The following DPYD variants were observed in gnomAD, a reference collection of about 807,000 sequenced individuals.
DPYD encodes the protein dihydropyrimidine dehydrogenase [NADP(+)].
In DPYD, 109 loss-of-function variants were observed where a neutral mutation model predicts 116.2. The ratio of observed to expected loss-of-function variants is 0.94; its 90% CI spans 0.80 to 1.10. The LOEUF (loss-of-function observed/expected upper bound fraction) is 1.10, where lower values mean the gene tolerates loss of function less well. Ranked by LOEUF, DPYD falls within the 50% of genes least tolerant of loss-of-function variation. The pLI is 0.00. For missense variants in DPYD, 1,302 were observed against 1,254.5 expected, an observed-to-expected ratio of 1.04 and a Z score of -0.57; for synonymous variants, 440 against 432.0, an observed-to-expected ratio of 1.02 and a Z score of -0.23.
At chr1:97,807,891 C>T (rs942853263) in intron 3 of DPYD, among the ~76,000 whole-genome samples, 6 of 151,872 alleles carry the variant, frequency 4.0e-5, no homozygotes, top group East Asian at 1.9e-4. Flanking sequence ...TATCATTTAT[C>T]GATTGAAATG....
At chr1:97,306,155 C>T in intron 17 of DPYD, 22 bp downstream of exon 17, 1 of 1,611,864 alleles carries the variant, frequency 6.2e-7, no homozygotes, top group Non-Finnish European at 8.5e-7. Flanking sequence ...TAGCGGGCAA[C>T]TGATTCAAGT....
chr1:97,588,189 C>T (rs1447074523), intron 10 of DPYD, among the ~76,000 whole-genome samples: 2 of 152,030 alleles, frequency 1.3e-5, no homozygotes, highest in Non-Finnish European at 2.9e-5. Flanking sequence ...AACTGACATA[C>T]CAAAGTTAAA....
chr1:97,545,077 A>G (rs1036103648), intron 12 of DPYD, among the ~76,000 whole-genome samples: 2 of 152,184 alleles, frequency 1.3e-5, no homozygotes, highest in African/African-American at 4.8e-5. Flanking sequence ...AGTTTTTAAG[A>G]GATAGAATAA....
chr1:97,097,844 C>A (rs1650376519), intron 21 of DPYD, among the ~76,000 whole-genome samples: 1 of 152,108 alleles, frequency 6.6e-6, no homozygotes, highest in Non-Finnish European at 1.5e-5. Context: ...AGTTTTGCAA[C>A]ATGCAAAACA....
At chr1:97,741,795 T>C (rs866430822) in intron 3 of DPYD, among the ~76,000 whole-genome samples, 1 of 152,030 alleles carries the variant, frequency 6.6e-6, no homozygotes. Flanking sequence ...TCAATGAGAA[T>C]CTGGGTGAAA....
intron 14 of DPYD, among the ~76,000 whole-genome samples, chr1:97,411,221 C>T (rs1673975385): frequency 6.6e-6 from 1 of 152,152 alleles, no homozygotes; most frequent in Non-Finnish European, 1.5e-5. Flanking sequence ...AGATCATCTC[C>T]TTCAGTACTG....
intron 14 of DPYD, among the ~76,000 whole-genome samples, chr1:97,394,758 T>C (rs760138790): frequency 5.3e-5 from 8 of 152,120 alleles, no homozygotes; most frequent in Admixed American, 2.0e-4. Context: ...GTATTGGAAA[T>C]TGATTTCAAA....
At chr1:97,199,200 G>C (rs28619552) in intron 19 of DPYD, among the ~76,000 whole-genome samples, 108,992 of 152,100 alleles carry the variant, frequency 0.72, 40,315 homozygotes, top group East Asian at 0.99. Context: ...AGTACTCAAA[G>C]CTGACTTAGT....
chr1:97,331,196 G>A (rs1668977712), intron 16 of DPYD, among the ~76,000 whole-genome samples: 2 of 152,082 alleles, frequency 1.3e-5, no homozygotes, highest in Non-Finnish European at 2.9e-5. Flanking sequence ...TATTGAGGAT[G>A]GGTGTGGTGG....
At chr1:97,135,575 A>G (rs1323668080) in intron 20 of DPYD, among the ~76,000 whole-genome samples, 2 of 152,200 alleles carry the variant, frequency 1.3e-5, no homozygotes, top group African/African-American at 2.4e-5. Flanking sequence ...AAATTGGTAA[A>G]CTACTTTAAA....
intron 3 of DPYD, among the ~76,000 whole-genome samples, chr1:97,818,021 T>C (rs1339997366): frequency 6.6e-6 from 1 of 152,008 alleles, no homozygotes; most frequent in Non-Finnish European, 1.5e-5. Flanking sequence ...ATCCCTTCTT[T>C]CCTAGTCCTT....
intron 18 of DPYD, among the ~76,000 whole-genome samples, chr1:97,249,410 G>GA (rs919327753): frequency 1.3e-4 from 19 of 151,684 alleles, no homozygotes; most frequent in African/African-American, 4.6e-4. Context: ...GAAAAGAAAG[G>GA]AAAAAAATGA....
At chr1:97,103,747 C>G (rs1650927067) in intron 20 of DPYD, among the ~76,000 whole-genome samples, 1 of 152,110 alleles carries the variant, frequency 6.6e-6, no homozygotes, top group South Asian at 2.1e-4. Flanking sequence ...AATTACTTTA[C>G]TATTCTGCTA....
intron 20 of DPYD, 94 bp from the exon 21 acceptor site, chr1:97,098,726 G>T: frequency 1.4e-6 from 2 of 1,411,758 alleles, no homozygotes; most frequent in Non-Finnish European, 2.0e-6. Context: ...ACAAACAAAT[G>T]TGTGTCTAGG....
chr1:97,451,461 A>G (rs2101797072), intron 13 of DPYD, among the ~76,000 whole-genome samples: 1 of 152,342 alleles, frequency 6.6e-6, no homozygotes, highest in East Asian at 1.9e-4. Flanking sequence ...AAATGTTACA[A>G]TAAGCCTCCT....
intron 16 of DPYD, among the ~76,000 whole-genome samples, chr1:97,355,918 C>T (rs78078238): frequency 2.6e-4 from 40 of 152,260 alleles, no homozygotes; most frequent in African/African-American, 9.6e-4. Flanking sequence ...CTTTGATAAG[C>T]TGATTTCAAA....
At chr1:97,814,939 A>G (rs76017819) in intron 3 of DPYD, among the ~76,000 whole-genome samples, 42,088 of 102,402 alleles carry the variant, frequency 0.41, 7,512 homozygotes, top group African/African-American at 0.5. Context: ...AGAGGAAAGA[A>G]AGAAAGAAAG....
intron 13 of DPYD, among the ~76,000 whole-genome samples, chr1:97,458,152 T>C (rs1676799994): frequency 6.6e-6 from 1 of 152,152 alleles, no homozygotes. Flanking sequence ...GTTTTAACAA[T>C]TATTAATTAT....
At chr1:97,742,994 T>G (rs2101076370) in intron 3 of DPYD, among the ~76,000 whole-genome samples, 2 of 152,174 alleles carry the variant, frequency 1.3e-5, no homozygotes, top group Admixed American at 1.3e-4. Flanking sequence ...AATTAAAAAA[T>G]AAAGTTATAA....
Sources: gnomAD v4.1 joint callset for allele counts (sites outside exome capture counted in the v4.1 genomes callset) on GRCh38, gnomAD v4.1.1 for gene constraint, MANE v1.5 for transcripts, NCBI Gene and HGNC (gene_info 2026-07-23, HGNC 2026-07-21) for gene names.